GAS2: variants seen among roughly 807,000 people sequenced by gnomAD.
GAS2 encodes the protein growth arrest-specific protein 2.
A neutral mutation model predicts 37.5 loss-of-function variants in GAS2; 20 were observed. That is an observed-to-expected ratio of 0.53 (90% CI 0.37 to 0.77). The LOEUF is 0.77. GAS2 is among the 30% of genes least tolerant of loss of function. The pLI, the probability that GAS2 is intolerant of heterozygous loss-of-function variation, is 0.00. For synonymous variants in GAS2, 144 were observed against 132.2 expected (o/e 1.09, Z -0.61); for missense variants, 336 against 373.4 (o/e 0.90, Z 0.82).
At chr11:22,711,509 A>G (rs921795025) in intron 3 of GAS2, among the ~76,000 whole-genome samples, 1 of 152,194 alleles carries the variant, frequency 6.6e-6, no homozygotes, top group African/African-American at 2.4e-5. Context: ...GAAAACAGGT[A>G]GTGCAGATAC....
chr11:22,753,405 G>A (rs373694035), intron 6 of GAS2, among the ~76,000 whole-genome samples: 2 of 152,088 alleles, frequency 1.3e-5, no homozygotes, highest in African/African-American at 4.8e-5. Context: ...GGCCACTTGA[G>A]AAAATGTTTC....
chr11:22,788,673 C>A (rs1205967937), intron 7 of GAS2, among the ~76,000 whole-genome samples: 1 of 152,142 alleles, frequency 6.6e-6, no homozygotes, highest in Non-Finnish European at 1.5e-5. Context: ...GAATTGCCAG[C>A]AAATTCAAGC....
At chr11:22,635,593 T>G (rs1193502850) in intron 1 of GAS2, among the ~76,000 whole-genome samples, 1 of 152,218 alleles carries the variant, frequency 6.6e-6, no homozygotes, top group Non-Finnish European at 1.5e-5. Context: ...CCTGCAGACC[T>G]GGAGTGCCCA....
chr11:22,725,303 A>G (rs1852148732), intron 3 of GAS2, among the ~76,000 whole-genome samples: 3 of 152,130 alleles, frequency 2.0e-5, no homozygotes, highest in African/African-American at 7.2e-5. Context: ...CCCAGAATAG[A>G]AATGATGCAG....
At chr11:22,657,374 A>G (rs1289923473) in intron 1 of GAS2, among the ~76,000 whole-genome samples, 1 of 152,108 alleles carries the variant, frequency 6.6e-6, no homozygotes, top group Non-Finnish European at 1.5e-5. Flanking sequence ...TGCTAATTTG[A>G]ATAATTCTGA....
At chr11:22,636,359 C>T (rs1381804513) in intron 1 of GAS2, among the ~76,000 whole-genome samples, 5 of 152,240 alleles carry the variant, frequency 3.3e-5, no homozygotes, top group African/African-American at 7.2e-5. Flanking sequence ...ACCTACCTCA[C>T]GGGCCCTGGT....
intron 1 of GAS2, among the ~76,000 whole-genome samples, chr11:22,647,257 AT>A (rs980205187): frequency 1.3e-5 from 2 of 151,534 alleles, no homozygotes; most frequent in Non-Finnish European, 3.0e-5. Flanking sequence ...TGAACTCATC[AT>A]TTTTTATGGC....
chr11:22,652,993 G>GTCTTTCTTTCTTTCTTTTTTTCTT (rs1848806368), intron 1 of GAS2, among the ~76,000 whole-genome samples: 2 of 97,114 alleles, frequency 2.1e-5, no homozygotes, highest in East Asian at 2.4e-4. Flanking sequence ...TTCTTTCTTT[G>GTCTTTCTTTCTTTCTTTTTTTCTT]TCTTTCTTTC....
At chr11:22,627,305 A>C (rs1490652472) in intron 1 of GAS2, among the ~76,000 whole-genome samples, 11 of 152,224 alleles carry the variant, frequency 7.2e-5, no homozygotes, top group Admixed American at 7.2e-4. Flanking sequence ...ACATAGTATG[A>C]GGTGCTACAG....
At chr11:22,651,873 C>T (rs975205547) in intron 1 of GAS2, among the ~76,000 whole-genome samples, 21 of 152,120 alleles carry the variant, frequency 1.4e-4, no homozygotes, top group Non-Finnish European at 1.3e-4. Flanking sequence ...AATTTCCTCC[C>T]ACAGCTCGGA....
rs553368145 is a variant in GAS2 at position 22,685,143 on chromosome 11, G to A, written c.146-525G>A. The stretch of plus-strand genomic sequence containing the variant: ...ATCCTGCCACTGCACTCCAGATTGC[G>A]TGACAGAGTACAATCCTGTAGAGAG... On this transcript the variant is annotated intron_variant, in intron 2 of 7. Coordinates refer to ENST00000454584, the MANE Select transcript of GAS2 (RefSeq NM_001143830.3). 7.5e-5 allele frequency among the ~76,000 whole-genome samples: 11 copies of A among 146,748 alleles called. 1 individual carries two copies. The highest frequency in any genetic ancestry group is 4.0e-4 in the Admixed American group (6 of 15,076).
chr11:22,747,053 G>A (rs910053363), intron 5 of GAS2, among the ~76,000 whole-genome samples: 1 of 152,088 alleles, frequency 6.6e-6, no homozygotes, highest in East Asian at 1.9e-4. Flanking sequence ...TCTAGTTTTG[G>A]ACAAGGTTGA....
intron 4 of GAS2, among the ~76,000 whole-genome samples, chr11:22,731,862 C>A (rs1852494166): frequency 6.6e-6 from 1 of 151,650 alleles, no homozygotes; most frequent in East Asian, 1.9e-4. Context: ...ATTTCTTTCC[C>A]AGGATCATTT....
At chr11:22,811,679 A>G in intron 7 of GAS2, 119 bp from the exon 8 acceptor site, 2 of 931,646 alleles carry the variant, frequency 2.1e-6, no homozygotes, top group Non-Finnish European at 3.3e-6. Flanking sequence ...TGCACCAAGT[A>G]GAAAAACAAT....
intron 3 of GAS2, among the ~76,000 whole-genome samples, chr11:22,719,438 C>T (rs1028022386): frequency 6.6e-6 from 1 of 152,072 alleles, no homozygotes. Context: ...GTGGAAAGTA[C>T]ACCAGAGTGG....
intron 7 of GAS2, among the ~76,000 whole-genome samples, chr11:22,808,355 A>G (rs1856993049): frequency 6.6e-6 from 1 of 152,170 alleles, no homozygotes; most frequent in Non-Finnish European, 1.5e-5. Flanking sequence ...ATCCTCCCCT[A>G]TTGACTGTGG....
At chr11:22,658,613 C>A (rs1297008080) in intron 1 of GAS2, among the ~76,000 whole-genome samples, 1 of 152,194 alleles carries the variant, frequency 6.6e-6, no homozygotes, top group African/African-American at 2.4e-5. Flanking sequence ...ATCCATCTAT[C>A]AGCAAGTCAT....
intron 7 of GAS2, among the ~76,000 whole-genome samples, chr11:22,785,515 G>A (rs1855779409): frequency 1.3e-5 from 2 of 152,272 alleles, no homozygotes; most frequent in South Asian, 4.1e-4. Flanking sequence ...ACAGAATAAT[G>A]TATGTGTTGA....
intron 4 of GAS2, 70 bp downstream of exon 4, chr11:22,726,503 AT>A: frequency 7.1e-7 from 1 of 1,415,332 alleles, no homozygotes; most frequent in Non-Finnish European, 9.7e-7. Context: ...CAGTATAGCC[AT>A]CAAAAAGTTT....
Sources: gnomAD v4.1 joint callset for allele counts (sites outside exome capture counted in the v4.1 genomes callset) on GRCh38, gnomAD v4.1.1 for gene constraint, MANE v1.5 for transcripts, NCBI Gene and HGNC (gene_info 2026-07-23, HGNC 2026-07-21) for gene names.